TENM2: variants seen among roughly 807,000 people sequenced by gnomAD.
TENM2 encodes the protein teneurin-2.
In TENM2, 52 loss-of-function variants were observed where a neutral mutation model predicts 245.2. The observed-to-expected ratio is 0.21, with a 90% CI of 0.17 to 0.27. The LOEUF is 0.27. TENM2 is among the 10% of genes least tolerant of loss of function. TENM2 has a pLI of 1.00. For missense variants in TENM2, 3,046 were observed against 3,666.8 expected (o/e 0.83, Z 4.37); for synonymous variants, 1,363 against 1,438.9 (o/e 0.95, Z 1.19).
intron 2 of TENM2, among the ~76,000 whole-genome samples, chr5:167,493,346 T>G (rs1236836296): frequency 6.6e-6 from 1 of 152,114 alleles, no homozygotes; most frequent in African/African-American, 2.4e-5. Context: ...AGGCCATATT[T>G]ATTATGAGCA....
chr5:167,363,213 GA>G (rs2127271981), intron 1 of TENM2, among the ~76,000 whole-genome samples: 1 of 152,278 alleles, frequency 6.6e-6, no homozygotes, highest in East Asian at 1.9e-4. Flanking sequence ...ACTGCTACCA[GA>G]ACTGCAATTG....
the TENM2 span, among the ~76,000 whole-genome samples, chr5:166,979,709 CCTT>C: frequency 2.0e-5 from 3 of 151,842 alleles, no homozygotes; most frequent in African/African-American, 7.3e-5. Context: ...TTTTTTTCCT[CCTT>C]CATCCTCAGA....
chr5:167,721,252 T>C (rs529963012), intron 2 of TENM2: 7 of 151,820 alleles, frequency 4.6e-5, no homozygotes, highest in Admixed American at 2.0e-4. Context: ...CCACATCACT[T>C]GAAAAAAAAA....
At chr5:167,445,330 T>TAGGGAGAG (rs1275688569) in intron 2 of TENM2, among the ~76,000 whole-genome samples, 17 of 49,260 alleles carry the variant, frequency 3.5e-4, no homozygotes, top group East Asian at 1.5e-3. Flanking sequence ...TATATATATA[T>TAGGGAGAG]ATATATAGAG....
chr5:167,946,026 C>G (rs1413633723), intron 3 of TENM2, among the ~76,000 whole-genome samples: 2 of 152,192 alleles, frequency 1.3e-5, no homozygotes, highest in African/African-American at 4.8e-5. Context: ...TGCAGACAGG[C>G]CACCTGCCCT....
chr5:167,898,005 T>C (rs1304628154), intron 3 of TENM2, among the ~76,000 whole-genome samples: 2 of 150,886 alleles, frequency 1.3e-5, no homozygotes, highest in East Asian at 3.9e-4. Context: ...AGGCAAGAGA[T>C]TTGCACACAG....
the TENM2 span, among the ~76,000 whole-genome samples, chr5:167,222,258 G>A: frequency 4.2e-3 from 638 of 152,290 alleles, 6 homozygotes; most frequent in African/African-American, 0.013. Flanking sequence ...ATATGCAATG[G>A]AGGATGTTGA....
At chr5:167,584,867 A>G (rs11748954) in intron 2 of TENM2, among the ~76,000 whole-genome samples, 89,692 of 151,722 alleles carry the variant, frequency 0.59, 27,833 homozygotes, top group Middle Eastern at 0.7. Flanking sequence ...GCTAATTTTT[A>G]TATTTTTAGT....
chr5:167,479,699 T>A (rs1767634804), intron 2 of TENM2, among the ~76,000 whole-genome samples: 1 of 152,172 alleles, frequency 6.6e-6, no homozygotes, highest in Non-Finnish European at 1.5e-5. Context: ...TGGCATCACG[T>A]TTTTTACTCT....
the TENM2 span, among the ~76,000 whole-genome samples, chr5:166,982,227 C>G: frequency 6.6e-6 from 1 of 152,102 alleles, no homozygotes; most frequent in African/African-American, 2.4e-5. Context: ...ATTCATGGAA[C>G]TTGTCAATCA....
intron 2 of TENM2, among the ~76,000 whole-genome samples, chr5:167,683,845 A>C (rs1756901076): frequency 6.6e-6 from 1 of 152,236 alleles, no homozygotes; most frequent in African/African-American, 2.4e-5. Flanking sequence ...TTGTACTCTT[A>C]TTTATGATGA....
chr5:167,544,770 G>A (rs1447330479), intron 2 of TENM2, among the ~76,000 whole-genome samples: 3 of 152,142 alleles, frequency 2.0e-5, no homozygotes, highest in African/African-American at 7.2e-5. Flanking sequence ...CCCTCATGGA[G>A]CTGATATTCT....
chr5:167,074,483 A>G, the TENM2 span, among the ~76,000 whole-genome samples: 4 of 152,216 alleles, frequency 2.6e-5, no homozygotes, highest in Admixed American at 2.6e-4. Flanking sequence ...TAGAAAGTAC[A>G]GAAGGTGCAG....
intron 1 of TENM2, among the ~76,000 whole-genome samples, chr5:167,310,262 C>G (rs1326880779): frequency 6.6e-6 from 1 of 152,136 alleles, no homozygotes; most frequent in Non-Finnish European, 1.5e-5. Context: ...TGAATATAAG[C>G]AGTTTTATTT....
chr5:167,448,351 C>T (rs957306639), intron 2 of TENM2, among the ~76,000 whole-genome samples: 2 of 151,746 alleles, frequency 1.3e-5, no homozygotes, highest in African/African-American at 4.8e-5. Flanking sequence ...TATTGTGGCT[C>T]GACACAGTGA....
intron 2 of TENM2, among the ~76,000 whole-genome samples, chr5:167,800,547 AG>A (rs1765635402): frequency 6.6e-6 from 1 of 152,202 alleles, no homozygotes; most frequent in Non-Finnish European, 1.5e-5. Context: ...TATTTTCAGC[AG>A]TTAACAAGCA....
At chr5:167,159,063 C>T in the TENM2 span, among the ~76,000 whole-genome samples, 1 of 151,688 alleles carries the variant, frequency 6.6e-6, no homozygotes, top group South Asian at 2.1e-4. Flanking sequence ...AGAAATTCTA[C>T]TGCCTCAGAC....
exon 19 of TENM2, chr5:168,204,452 C>T (rs371063467): frequency 5.0e-6 from 8 of 1,613,886 alleles, no homozygotes; most frequent in African/African-American, 2.7e-5. Flanking sequence ...GGGCAATGGT[C>T]GCCGCCGGAG....
chr5:167,719,681 T>C (rs753266735), intron 2 of TENM2, among the ~76,000 whole-genome samples: 2 of 152,254 alleles, frequency 1.3e-5, no homozygotes, highest in Non-Finnish European at 2.9e-5. Context: ...TCTGCAGAAC[T>C]GAGCAGATCC....
Sources: gnomAD v4.1 joint callset for allele counts (sites outside exome capture counted in the v4.1 genomes callset) on GRCh38, gnomAD v4.1.1 for gene constraint, MANE v1.5 for transcripts, NCBI Gene and HGNC (gene_info 2026-07-23, HGNC 2026-07-21) for gene names.